The following FBXL7 variants were observed in gnomAD, a reference collection of about 807,000 sequenced individuals.
FBXL7 encodes the protein F-box and leucine rich repeat protein 7, also known as F-box/LRR-repeat protein 7.
In FBXL7, 12 loss-of-function variants were observed where a neutral mutation model predicts 38.3. That is an observed-to-expected ratio of 0.31 (90% CI 0.20 to 0.51). FBXL7 has a LOEUF of 0.51. Among genes scored for constraint, FBXL7 ranks in the 20% least tolerant of loss-of-function variants. The pLI is 0.98. For missense variants in FBXL7, 567 were observed against 676.4 expected, an observed-to-expected ratio of 0.84 and a Z score of 1.79; for synonymous variants, 297 against 300.9, an observed-to-expected ratio of 0.99 and a Z score of 0.13.
In FBXL7 at chr5:15,746,788, G is replaced by A. The variant is rs543305744; in HGVS notation, c.127+130716G>A. Among the ~76,000 whole-genome samples the A allele has an allele frequency of 2.0e-5, 3 of 152,114 alleles. No individual in the cohort carries two copies. The South Asian group carries it at 6.2e-4, about 32-fold the overall frequency. ...GAATGGCCTTTGTTTTTTCTAATTTGCTGTAGACTGATGCTTTTAAATACA... is the reference window on the plus strand; with the variant it reads ...GAATGGCCTTTGTTTTTTCTAATTTACTGTAGACTGATGCTTTTAAATACA... On this transcript the variant is annotated intron_variant, in intron 2 of 3. Coordinates refer to ENST00000504595, the MANE Select transcript of FBXL7 (RefSeq NM_012304.5).
intron 1 of FBXL7, among the ~76,000 whole-genome samples, chr5:15,527,106 G>T (rs1262177949): frequency 6.6e-6 from 1 of 152,148 alleles, no homozygotes; most frequent in Admixed American, 6.5e-5. Flanking sequence ...AATAGAAAAC[G>T]TACACTGTTT....
At chr5:15,858,788 T>C (rs1432629378) in intron 2 of FBXL7, among the ~76,000 whole-genome samples, 2 of 152,198 alleles carry the variant, frequency 1.3e-5, no homozygotes, top group Non-Finnish European at 2.9e-5. Context: ...AAATCTAATA[T>C]AGAACCATTT....
At chr5:15,854,057 A>G (rs1045354246) in intron 2 of FBXL7, among the ~76,000 whole-genome samples, 11 of 152,232 alleles carry the variant, frequency 7.2e-5, no homozygotes, top group Admixed American at 1.3e-4. Flanking sequence ...AAAGTGGACC[A>G]CTTGGGAGTT....
At chr5:15,901,095 A>T (rs1741222860) in intron 2 of FBXL7, among the ~76,000 whole-genome samples, 1 of 152,242 alleles carries the variant, frequency 6.6e-6, no homozygotes, top group Admixed American at 6.5e-5. Flanking sequence ...AATTTCTAAA[A>T]GCTATTAATG....
At chr5:15,807,121 T>A (rs1040913891) in intron 2 of FBXL7, among the ~76,000 whole-genome samples, 1 of 152,110 alleles carries the variant, frequency 6.6e-6, no homozygotes, top group Non-Finnish European at 1.5e-5. Context: ...CTGGCTAATA[T>A]CTGTATTTTC....
chr5:15,673,504 A>G (rs922233808), intron 2 of FBXL7, among the ~76,000 whole-genome samples: 1 of 152,142 alleles, frequency 6.6e-6, no homozygotes, highest in East Asian at 1.9e-4. Context: ...AACATTCACC[A>G]TGGAACACAG....
At chr5:15,708,758 C>G (rs368311765) in intron 2 of FBXL7, among the ~76,000 whole-genome samples, 5 of 152,016 alleles carry the variant, frequency 3.3e-5, no homozygotes, top group African/African-American at 1.2e-4. Context: ...CAAGTTGTGT[C>G]TTTTTCTTTG....
At position 15,911,361 on chromosome 5, in the gene FBXL7, G is replaced by C. The variant is rs1470087230; in HGVS notation, c.128-16529G>C. 3.1e-4 allele frequency among the ~76,000 whole-genome samples: 35 copies of C among 111,168 alleles called. 3 individuals are homozygous for C. Among genetic ancestry groups the C allele is most frequent in the African/African-American group, 1.8e-3 (35 of 19,562 alleles). The allele number at this position is 111,168 out of a possible 152,430, so 72.9% of individuals were successfully genotyped here. A position where few individuals can be genotyped will look rare whatever the true frequency, so the allele number is the denominator to read the frequency against. ...ATTCTTCACGTAGTTCTCGAGCCTT[G>C]GTTTTCAGCTCCATCAGCTCCTTTA... On this transcript the variant is annotated intron_variant, in intron 2 of 3. Transcript: ENST00000504595.
At chr5:15,898,701 G>A (rs1198846421) in intron 2 of FBXL7, among the ~76,000 whole-genome samples, 1 of 152,186 alleles carries the variant, frequency 6.6e-6, no homozygotes, top group African/African-American at 2.4e-5. Context: ...GACACGAGGA[G>A]AAAACTCAAT....
At chr5:15,651,342 C>T (rs556736199) in intron 2 of FBXL7, among the ~76,000 whole-genome samples, 1 of 152,162 alleles carries the variant, frequency 6.6e-6, no homozygotes, top group Non-Finnish European at 1.5e-5. Context: ...ATGATCTGCC[C>T]ACCTCGGCCT....
At chr5:15,795,192 G>C (rs1368571756) in intron 2 of FBXL7, among the ~76,000 whole-genome samples, 1 of 152,136 alleles carries the variant, frequency 6.6e-6, no homozygotes, top group Non-Finnish European at 1.5e-5. Flanking sequence ...AGCAATTCAG[G>C]GGGAGAGAAT....
chr5:15,802,023 A>G (rs188923971), intron 2 of FBXL7, among the ~76,000 whole-genome samples: 91 of 152,172 alleles, frequency 6.0e-4, no homozygotes, highest in African/African-American at 2.0e-3. Context: ...AGCCTTCAAC[A>G]TGAGAGAAGG....
At position 15,659,136 on chromosome 5, in the gene FBXL7, C is replaced by T. The variant is rs563367839; in HGVS notation, c.127+43064C>T. Among the ~76,000 whole-genome samples the T allele has an allele frequency of 1.4e-3, 220 of 152,116 alleles. 1 individual carries two copies. The highest frequency in any genetic ancestry group is 5.0e-3 in the African/African-American group (209 of 41,498). On this transcript the variant is annotated intron_variant, in intron 2 of 3. Transcript: ENST00000504595. The stretch of plus-strand genomic sequence containing the variant: ...TATGTGTTTATTAGCAGTGGGAGAA[C>T]GGACTGATACACTGAGTTACCCTTA...
chr5:15,714,551 G>C (rs992364476), intron 2 of FBXL7, among the ~76,000 whole-genome samples: 2 of 151,398 alleles, frequency 1.3e-5, no homozygotes, highest in Admixed American at 6.6e-5. Context: ...TAATCACAAG[G>C]GTCCTTGTAA....
intron 2 of FBXL7, among the ~76,000 whole-genome samples, chr5:15,805,654 C>T (rs906985456): frequency 7.2e-5 from 11 of 152,054 alleles, no homozygotes; most frequent in Admixed American, 1.3e-4. Context: ...CTTATTCAAC[C>T]CCTAAGGTCA....
At chr5:15,870,496 A>T (rs1158446277) in intron 2 of FBXL7, among the ~76,000 whole-genome samples, 1 of 152,166 alleles carries the variant, frequency 6.6e-6, no homozygotes, top group Non-Finnish European at 1.5e-5. Context: ...CCTGGAAGGA[A>T]GGAAAAGATT....
intron 2 of FBXL7, among the ~76,000 whole-genome samples, chr5:15,866,997 A>T (rs1739745288): frequency 6.6e-6 from 1 of 152,190 alleles, no homozygotes; most frequent in African/African-American, 2.4e-5. Context: ...CTTAAGAAAG[A>T]TACATTATGG....
At chr5:15,579,969 T>G (rs1429880033) in intron 1 of FBXL7, among the ~76,000 whole-genome samples, 1 of 152,218 alleles carries the variant, frequency 6.6e-6, no homozygotes, top group African/African-American at 2.4e-5. Flanking sequence ...TGGGAGGTCA[T>G]GCAGTGTTAC....
intron 1 of FBXL7, among the ~76,000 whole-genome samples, chr5:15,541,443 G>GTATATATATATATATATATATA (rs56810372): frequency 2.6e-5 from 1 of 38,444 alleles, no homozygotes; most frequent in Non-Finnish European, 4.8e-5. Flanking sequence ...GTGTGTGTGT[G>GTATATATATATATATATATATA]TATATATATA....
Sources: gnomAD v4.1 joint callset for allele counts (sites outside exome capture counted in the v4.1 genomes callset) on GRCh38, gnomAD v4.1.1 for gene constraint, MANE v1.5 for transcripts, NCBI Gene and HGNC (gene_info 2026-07-23, HGNC 2026-07-21) for gene names.